Variants in MYOM1 observed in about 807,000 individuals in gnomAD.
MYOM1 encodes myomesin-1.
A neutral mutation model predicts 205.3 loss-of-function variants in MYOM1; 164 were observed. The ratio of observed to expected loss-of-function variants is 0.80; its 90% CI spans 0.70 to 0.91. The LOEUF (loss-of-function observed/expected upper bound fraction) is 0.91. MYOM1 is among the 40% of genes least tolerant of loss of function. The pLI is 0.00. For synonymous variants in MYOM1, 772 were observed against 789.4 expected (o/e 0.98, Z 0.37); for missense variants, 2,011 against 2,127.3 (o/e 0.95, Z 1.08).
At chr18:3,160,581 T>C (rs374785726) in intron 10 of MYOM1, among the ~76,000 whole-genome samples, 5 of 152,162 alleles carry the variant, frequency 3.3e-5, no homozygotes, top group Non-Finnish European at 5.9e-5. Flanking sequence ...GTGAACTTTA[T>C]GGTATACAAA....
chr18:3,150,856 C>T (rs1210262660), intron 12 of MYOM1, among the ~76,000 whole-genome samples: 1 of 151,864 alleles, frequency 6.6e-6, no homozygotes, highest in Non-Finnish European at 1.5e-5. Context: ...GCTCTGTTGC[C>T]CAGGCTAGAG....
chr18:3,204,383 T>C (rs954552349), intron 2 of MYOM1, among the ~76,000 whole-genome samples: 1 of 151,970 alleles, frequency 6.6e-6, no homozygotes, highest in African/African-American at 2.4e-5. Context: ...AGCAAGGTCA[T>C]AGGATATAAA....
At chr18:3,071,731 G>A in intron 37 of MYOM1, 103 bp downstream of exon 37, 1 of 1,090,750 alleles carries the variant, frequency 9.2e-7, no homozygotes, top group South Asian at 1.4e-5. Context: ...TACGATGAAG[G>A]TGGTGGGCTG....
intron 22 of MYOM1, among the ~76,000 whole-genome samples, chr18:3,108,180 CTAGGTCTCTCGCTT>C (rs887176080): frequency 7.2e-5 from 11 of 152,158 alleles, no homozygotes; most frequent in Non-Finnish European, 1.6e-4. Flanking sequence ...ACTGATAACT[CTAGGTCTCTCGCTT>C]CAGCTGGCCT....
chr18:3,101,549 T>C (rs1029955235), intron 23 of MYOM1, among the ~76,000 whole-genome samples: 6 of 152,196 alleles, frequency 3.9e-5, no homozygotes, highest in African/African-American at 1.4e-4. Flanking sequence ...AGCTCGTTCA[T>C]CTTATACTTC....
intron 5 of MYOM1, among the ~76,000 whole-genome samples, chr18:3,186,963 A>C (rs2080825889): frequency 6.6e-6 from 1 of 151,318 alleles, no homozygotes; most frequent in African/African-American, 2.5e-5. Context: ...GAAAGAAAGA[A>C]AAAGAAAAGA....
chr18:3,176,246 G>T (rs1306650495), intron 5 of MYOM1, 112 bp from the exon 6 acceptor site: 2 of 641,352 alleles, frequency 3.1e-6, no homozygotes, highest in African/African-American at 1.8e-5. Context: ...GGCACTGAGG[G>T]TAGCAGCAGC....
Position 3,116,339 on chromosome 18 carries a change from A to G in MYOM1, c.3295T>C (p.Tyr1099His), listed in dbSNP as rs763022317. ...GLNEAAIKNV[Y>H]LKVRGLKEGV... Reference sequence around the variant, plus strand: ...ACTGAGCAGCCTCTTACCTTCAGGTATACGTTTTTAATAGCCGCCTCATTG... The same window carrying G: ...ACTGAGCAGCCTCTTACCTTCAGGTGTACGTTTTTAATAGCCGCCTCATTG... The change falls in exon 21 of 38, where the codon TAC (tyrosine) becomes CAC (histidine). Residue 1099 changes from tyrosine (Y) to histidine (H), a missense_variant. Transcript: ENST00000356443. The G allele has an allele frequency of 3.7e-6, 6 of 1,611,270 alleles. No individual in the cohort carries two copies. The highest frequency in any genetic ancestry group is 5.1e-6 in the Non-Finnish European group (6 of 1,179,458).
chr18:3,151,627 T>C lies in MYOM1; in HGVS notation c.1843+67A>G, dbSNP rs1411902700. ...GGAAGGGAGAGAAACAACCTTGCAA[T>C]GAAGCTGATTCTTGCAGTCATTTTA... On this transcript the variant is annotated intron_variant, in intron 12 of 37. Transcript: ENST00000356443. 2.1e-6 allele frequency: 3 copies of C among 1,405,824 alleles called. No homozygotes were observed. The African/African-American group carries it at 4.3e-5, about 20-fold the overall frequency. The allele number at this position is 1,405,824 out of a possible 1,614,324, so 87.1% of individuals were successfully genotyped here. A position where few individuals can be genotyped will look rare whatever the true frequency, so the allele number is the denominator to read the frequency against.
rs1337183974 is a variant in MYOM1, at chr18:3,094,235, C to T, written c.3799G>A (p.Glu1267Lys). 2.5e-6 allele frequency: 4 copies of T among 1,613,856 alleles called. No homozygotes were observed. Among genetic ancestry groups the T allele is most frequent in the Non-Finnish European group, 3.4e-6 (4 of 1,179,876 alleles). ...KGQVRFWMQA[E>K]KLSGNAKVNY... ...ACTTTGGCATTGCCAGACAGTTTCT[C>T]AGCCTGCATCCAAAACCGGACCTGG... is the stretch of plus-strand genomic sequence containing the variant. The change falls in exon 26 of 38, where the codon GAG becomes AAG. Residue 1267 changes from glutamate to lysine, a missense_variant. Transcript: ENST00000356443.
intron 29 of MYOM1, among the ~76,000 whole-genome samples, chr18:3,086,410 A>G (rs2079154559): frequency 6.8e-6 from 1 of 147,584 alleles, no homozygotes; most frequent in Non-Finnish European, 1.5e-5. Flanking sequence ...ATGTGGTAGG[A>G]AAGAAAAGAG....
intron 8 of MYOM1, among the ~76,000 whole-genome samples, chr18:3,171,158 T>A (rs1196244227): frequency 6.6e-6 from 1 of 152,248 alleles, no homozygotes; most frequent in Non-Finnish European, 1.5e-5. Context: ...GCCGTTTCTG[T>A]GCTCTTGGCC....
rs111572585 is a variant in MYOM1, at chr18:3,191,974, G to C, written c.431+1844C>G. ...GCCTCCCAAAGTGCTGGAATTACAG[G>C]CATGAGCCACCGTGCCTGGCCTCAC... On this transcript the variant is annotated intron_variant, in intron 3 of 37. Coordinates refer to ENST00000356443, the MANE Select transcript of MYOM1 (RefSeq NM_003803.4). Among the ~76,000 whole-genome samples, 635 of 152,272 alleles carry C rather than the reference G, an allele frequency of 4.2e-3. 4 individuals carry two copies. Among genetic ancestry groups the C allele is most frequent in the African/African-American group, 0.015 (611 of 41,542 alleles).
intron 5 of MYOM1, among the ~76,000 whole-genome samples, chr18:3,182,028 C>T (rs61354193): frequency 0.017 from 2,572 of 152,210 alleles, 59 homozygotes; most frequent in African/African-American, 0.059. Context: ...GCCCTCGCGC[C>T]TGGCTGAAAC....
intron 16 of MYOM1, 151 bp downstream of exon 16, chr18:3,134,499 C>CTGA: frequency 2.5e-6 from 2 of 802,340 alleles, no homozygotes; most frequent in South Asian, 3.1e-5. Context: ...CCTCAGCCTC[C>CTGA]GAAAGTGCTA....
chr18:3,182,979 GAGTGC>G (rs1170826567), intron 5 of MYOM1, among the ~76,000 whole-genome samples: 4 of 145,076 alleles, frequency 2.8e-5, no homozygotes, highest in Non-Finnish European at 4.5e-5. Context: ...AGGCTGCCTG[GAGTGC>G]AGTGGCGTGA....
chr18:3,085,178 G>A (rs755407636), intron 30 of MYOM1, 46 bp from the exon 31 acceptor site: 3 of 1,286,448 alleles, frequency 2.3e-6, no homozygotes, highest in Non-Finnish European at 3.2e-6. Flanking sequence ...GTAGCCCCAG[G>A]GCACGGTATC....
rs1337080637 is a variant in MYOM1, at chr18:3,188,799, T to C, written c.720A>G (p.Ser240=). ...CCTTTTCTCGAATCACAACTTTCCTTGACTTCTTTTCAGAAGTTTCTTCCT... is the reference window on the plus strand; with the variant it reads ...CCTTTTCTCGAATCACAACTTTCCTCGACTTCTTTTCAGAAGTTTCTTCCT... The part of the protein sequence containing the change: ...LQQEETSEKK[S]RKVVIREKAE... The change falls in exon 4 of 38, where the codon TCA becomes TCG. Residue 240 remains serine (S), a synonymous_variant. Coordinates refer to ENST00000356443, the MANE Select transcript of MYOM1 (RefSeq NM_003803.4). 1 of 1,607,728 alleles carries C rather than the reference T, an allele frequency of 6.2e-7. No homozygotes were observed. The highest frequency in any genetic ancestry group is 8.5e-7 in the Non-Finnish European group (1 of 1,175,206).
At chr18:3,102,088 G>A (rs1438731547) in intron 23 of MYOM1, among the ~76,000 whole-genome samples, 3 of 135,776 alleles carry the variant, frequency 2.2e-5, no homozygotes, top group African/African-American at 2.8e-5. Context: ...TGCAAGCTCC[G>A]CCTTCCGGGT....
Sources: gnomAD v4.1 joint callset for allele counts (sites outside exome capture counted in the v4.1 genomes callset) on GRCh38, gnomAD v4.1.1 for gene constraint, MANE v1.5 for transcripts, NCBI Gene and HGNC (gene_info 2026-07-23, HGNC 2026-07-21) for gene names.